LRRC7: variants seen among roughly 807,000 people sequenced by gnomAD.
LRRC7 encodes the protein leucine rich repeat containing 7.
LRRC7 carries 23 observed loss-of-function variants against 175.7 expected under a neutral mutation model. The ratio of observed to expected loss-of-function variants is 0.13; its 90% confidence interval spans 0.09 to 0.19. The LOEUF is 0.19. Among genes scored for constraint, LRRC7 ranks in the 10% least tolerant of loss-of-function variants. LRRC7 has a pLI of 1.00. For missense variants in LRRC7, 1,354 were observed against 1,904.7 expected (o/e 0.71, Z 5.38); for synonymous variants, 685 against 680.9 (o/e 1.01, Z -0.09).
intron 4 of LRRC7, among the ~76,000 whole-genome samples, chr1:69,805,107 GA>G (rs939152469): frequency 6.6e-6 from 1 of 151,522 alleles, no homozygotes; most frequent in African/African-American, 2.4e-5. Context: ...ATCATAGTGG[GA>G]AAAAAATCAT....
chr1:69,731,241 G>A (rs1667545825), intron 2 of LRRC7, among the ~76,000 whole-genome samples: 1 of 152,094 alleles, frequency 6.6e-6, no homozygotes, highest in Non-Finnish European at 1.5e-5. Flanking sequence ...GGCTGAGCTT[G>A]CAGTGAGCCA....
At chr1:69,807,197 G>A (rs755677992) in intron 4 of LRRC7, among the ~76,000 whole-genome samples, 3 of 152,008 alleles carry the variant, frequency 2.0e-5, no homozygotes, top group Non-Finnish European at 4.4e-5. Context: ...GTCTTTGCAC[G>A]TGAGATGGGT....
chr1:69,570,404 C>T (rs1289723593), intron 1 of LRRC7, among the ~76,000 whole-genome samples: 1 of 152,042 alleles, frequency 6.6e-6, no homozygotes, highest in Non-Finnish European at 1.5e-5. Context: ...TTGAAAGCTT[C>T]GCCTCTGCCT....
intron 10 of LRRC7, 113 bp downstream of exon 10, chr1:69,986,499 A>C (rs1653947259): frequency 2.6e-6 from 2 of 770,210 alleles, no homozygotes; most frequent in Non-Finnish European, 3.7e-6. Context: ...GATGTTAATA[A>C]ATTTTAAAAT....
At chr1:69,992,683 T>G (rs1000955425) in intron 10 of LRRC7, among the ~76,000 whole-genome samples, 1 of 152,150 alleles carries the variant, frequency 6.6e-6, no homozygotes. Context: ...ACCCACAGAC[T>G]TGGAGCTGAG....
At chr1:69,938,112 T>C (rs1432318233) in intron 8 of LRRC7, among the ~76,000 whole-genome samples, 5 of 152,008 alleles carry the variant, frequency 3.3e-5, no homozygotes, top group African/African-American at 9.6e-5. Flanking sequence ...TTATTCTATG[T>C]GAAAAAGAAA....
intron 1 of LRRC7, among the ~76,000 whole-genome samples, chr1:69,572,707 C>G (rs1220278149): frequency 6.6e-6 from 1 of 152,038 alleles, no homozygotes; most frequent in Non-Finnish European, 1.5e-5. Context: ...TAATACATCT[C>G]TTTTAACAAG....
intron 4 of LRRC7, among the ~76,000 whole-genome samples, chr1:69,805,824 T>G (rs1256733102): frequency 6.6e-6 from 1 of 151,960 alleles, no homozygotes; most frequent in Admixed American, 6.6e-5. Flanking sequence ...TAATGCCTTA[T>G]GTGTTTCACT....
intron 23 of LRRC7, among the ~76,000 whole-genome samples, chr1:70,068,522 G>A (rs554995390): frequency 6.6e-6 from 1 of 152,058 alleles, no homozygotes; most frequent in African/African-American, 2.4e-5. Flanking sequence ...TTAAGGATTT[G>A]TGCATCTATA....
chr1:69,683,193 C>T (rs182990376), intron 2 of LRRC7, among the ~76,000 whole-genome samples: 2 of 152,176 alleles, frequency 1.3e-5, no homozygotes, highest in East Asian at 3.9e-4. Context: ...ACCCGGGAGT[C>T]CTCTTTCATA....
At chr1:69,582,151 A>T (rs1166935668) in intron 1 of LRRC7, among the ~76,000 whole-genome samples, 1 of 152,200 alleles carries the variant, frequency 6.6e-6, no homozygotes, top group Non-Finnish European at 1.5e-5. Context: ...AATAAGTAGA[A>T]TGAGAATCCT....
intron 7 of LRRC7, among the ~76,000 whole-genome samples, chr1:69,903,511 A>G (rs1399657001): frequency 6.6e-6 from 1 of 152,088 alleles, no homozygotes; most frequent in Admixed American, 6.5e-5. Context: ...AGGTGCCTAT[A>G]CCACATGGGC....
chr1:69,650,866 G>C (rs566995012), intron 1 of LRRC7, among the ~76,000 whole-genome samples: 162 of 152,276 alleles, frequency 1.1e-3, no homozygotes, highest in African/African-American at 3.8e-3. Context: ...ACTGTCGATA[G>C]CTTACCTAAT....
chr1:69,645,045 G>C (rs1654806739), intron 1 of LRRC7, among the ~76,000 whole-genome samples: 2 of 151,972 alleles, frequency 1.3e-5, no homozygotes, highest in Admixed American at 1.3e-4. Flanking sequence ...CCTTCTTCAA[G>C]ATAGAGAACA....
Position 69,986,260 on chromosome 1 carries a change from A to T in LRRC7, c.805A>T (p.Met269Leu). 6.2e-7 allele frequency: 1 copy of T among 1,613,302 alleles called. No individual in the cohort carries two copies. Among genetic ancestry groups the T allele is most frequent in the South Asian group, 1.1e-5 (1 of 91,046 alleles). ...VLPGSIGKLK[M>L]LVYLDMSKNR... ...CATCAAGTCTATAGGGAAGTTAAAG[A>T]TGTTGGTATACCTGGATATGTCAAA... Residue 269 changes from methionine (M) to leucine (L), a missense_variant, in exon 10 of 27, where the codon ATG becomes TTG. This residue lies in a region of LRRC7 where 201 missense variants were observed against 481.4 expected (regional missense o/e 0.42). Coordinates refer to ENST00000651989, the MANE Select transcript of LRRC7 (RefSeq NM_001370785.2).
chr1:70,139,182 T>C lies in LRRC7; in HGVS notation c.*17295T>C, dbSNP rs1666977090. ...GTATTCAAACCTCTGTTTAGGGTCCTGCATGTACTATCAAACAGCAAGTGA... is the reference window on the plus strand; with the variant it reads ...GTATTCAAACCTCTGTTTAGGGTCCCGCATGTACTATCAAACAGCAAGTGA... On this transcript the variant is annotated 3_prime_UTR_variant, in exon 27 of 27. Coordinates refer to ENST00000651989, the MANE Select transcript of LRRC7 (RefSeq NM_001370785.2). 6.6e-6 allele frequency: 1 copy of C among 152,212 alleles called. No homozygotes were observed. Among genetic ancestry groups the C allele is most frequent in the South Asian group, 2.1e-4 (1 of 4,830 alleles). 9.4% of individuals were successfully genotyped at this position (152,212 alleles called of 1,614,324 possible). A position where few individuals can be genotyped will look rare whatever the true frequency, so the allele number is the denominator to read the frequency against.
intron 3 of LRRC7, among the ~76,000 whole-genome samples, chr1:69,768,748 T>C (rs1485550323): frequency 6.6e-6 from 1 of 152,200 alleles, no homozygotes; most frequent in African/African-American, 2.4e-5. Flanking sequence ...ATGCTGATCC[T>C]GGGAGTTGGG....
intron 8 of LRRC7, among the ~76,000 whole-genome samples, chr1:69,941,455 T>A (rs1333166522): frequency 3.3e-5 from 5 of 152,010 alleles, no homozygotes; most frequent in Admixed American, 3.3e-4. Flanking sequence ...ATTGCAGTAA[T>A]CTAGGCAGGA....
chr1:69,691,862 T>C (rs1379117827), intron 2 of LRRC7, among the ~76,000 whole-genome samples: 1 of 148,614 alleles, frequency 6.7e-6, no homozygotes, highest in African/African-American at 2.5e-5. Context: ...ACAGTAGTTG[T>C]AGTTGACAGT....
Sources: allele counts gnomAD v4.1 joint callset (sites outside exome capture counted in the v4.1 genomes callset), GRCh38; gene constraint gnomAD v4.1.1; regional missense constraint gnomAD v4.1.1; transcripts MANE v1.5; gene names NCBI Gene and HGNC (gene_info 2026-07-23, HGNC 2026-07-21).